The following FRMPD2 variants were observed in gnomAD, a reference collection of about 807,000 sequenced individuals.
FRMPD2 encodes the protein FERM and PDZ domain-containing protein 2.
A neutral mutation model predicts 140.1 loss-of-function variants in FRMPD2; 96 were observed. The observed-to-expected ratio is 0.69, with a 90% CI of 0.58 to 0.81. The LOEUF (loss-of-function observed/expected upper bound fraction) is 0.81. Ranked by LOEUF, FRMPD2 falls within the 40% of genes least tolerant of loss-of-function variation. The pLI, the probability that FRMPD2 is intolerant of heterozygous loss-of-function variation, is 0.00. For missense variants in FRMPD2, 1,240 were observed against 1,447.4 expected (o/e 0.86, Z 2.32); for synonymous variants, 449 against 547.6 (o/e 0.82, Z 2.52).
At chr10:48,224,726 G>T (rs547986657) in intron 10 of FRMPD2, among the ~76,000 whole-genome samples, 2 of 152,194 alleles carry the variant, frequency 1.3e-5, no homozygotes, top group African/African-American at 4.8e-5. Flanking sequence ...GTGTAAAATT[G>T]TCCATGTGGG....
At chr10:48,164,427 A>G (rs1838041279) in intron 27 of FRMPD2, among the ~76,000 whole-genome samples, 1 of 150,622 alleles carries the variant, frequency 6.6e-6, no homozygotes, top group African/African-American at 2.5e-5. Flanking sequence ...TATCTGTAGG[A>G]ATCATGATTT....
intron 27 of FRMPD2, among the ~76,000 whole-genome samples, chr10:48,164,154 T>A (rs1838030101): frequency 6.6e-6 from 1 of 150,432 alleles, no homozygotes; most frequent in Non-Finnish European, 1.5e-5. Context: ...CCTTTTAGGT[T>A]CTGGTTTTGA....
intron 1 of FRMPD2, among the ~76,000 whole-genome samples, chr10:48,265,734 C>A (rs1193057120): frequency 6.6e-6 from 1 of 151,946 alleles, no homozygotes; most frequent in Non-Finnish European, 1.5e-5. Context: ...GGTGAGGTTG[C>A]AGAGAAAAGG....
chr10:48,182,977 T>C (rs1202855685), intron 20 of FRMPD2, among the ~76,000 whole-genome samples: 3 of 152,170 alleles, frequency 2.0e-5, no homozygotes, highest in African/African-American at 4.8e-5. Context: ...ATTGGAGATG[T>C]ACTGAGGCCA....
intron 16 of FRMPD2, among the ~76,000 whole-genome samples, chr10:48,188,726 G>A (rs1838755086): frequency 6.6e-6 from 1 of 152,208 alleles, no homozygotes; most frequent in Admixed American, 6.5e-5. Context: ...TGGCCTTCAG[G>A]TGGCCTTTAC....
intron 14 of FRMPD2, among the ~76,000 whole-genome samples, chr10:48,204,467 T>A (rs992478105): frequency 1.6e-4 from 25 of 152,198 alleles, no homozygotes; most frequent in Non-Finnish European, 2.9e-5. Context: ...TCCACCATGC[T>A]AGAAGAAAAA....
intron 5 of FRMPD2, 78 bp downstream of exon 5, chr10:48,242,083 G>T: frequency 1.0e-6 from 1 of 1,001,904 alleles, no homozygotes; most frequent in Non-Finnish European, 1.5e-6. Context: ...TTTAGTTAAT[G>T]ATAATATAAC....
intron 1 of FRMPD2, among the ~76,000 whole-genome samples, chr10:48,253,757 G>A (rs1381061498): frequency 6.6e-6 from 1 of 151,990 alleles, no homozygotes; most frequent in Non-Finnish European, 1.5e-5. Context: ...AAATCCACAT[G>A]AAGAAATGGG....
intron 11 of FRMPD2, 139 bp from the exon 12 acceptor site, chr10:48,222,590 C>T (rs1046404958): frequency 2.3e-6 from 2 of 880,564 alleles, no homozygotes; most frequent in South Asian, 3.4e-5. Flanking sequence ...GAGGCAATGC[C>T]AGCAAGACAA....
chr10:48,253,266 T>G (rs1170846230), intron 1 of FRMPD2, among the ~76,000 whole-genome samples: 2 of 152,248 alleles, frequency 1.3e-5, no homozygotes, highest in Non-Finnish European at 2.9e-5. Context: ...AAGCTGAACA[T>G]GGTCCTAAAC....
At chr10:48,182,142 A>T (rs1838567872) in intron 20 of FRMPD2, among the ~76,000 whole-genome samples, 2 of 152,128 alleles carry the variant, frequency 1.3e-5, no homozygotes. Flanking sequence ...GATTTAATGA[A>T]TTTGATTTGA....
chr10:48,183,094 G>A lies in FRMPD2; in HGVS notation c.2584+1472C>T, dbSNP rs147924081. Reference sequence around the variant, plus strand: ...CTGGACAGGGGAGCTGCATGGCACTGTGTACAGGTACAAGAGTGAGAGAGC... The same window carrying A: ...CTGGACAGGGGAGCTGCATGGCACTATGTACAGGTACAAGAGTGAGAGAGC... On this transcript the variant is annotated intron_variant, in intron 20 of 28. Transcript: ENST00000374201. Among the ~76,000 whole-genome samples the A allele has an allele frequency of 2.6e-5, 4 of 152,346 alleles. No homozygotes were observed. The East Asian group carries it at 7.7e-4, about 29-fold the overall frequency.
chr10:48,208,379 C>T lies in FRMPD2; in HGVS notation c.1612-1446G>A, dbSNP rs114402129. The stretch of plus-strand genomic sequence containing the variant: ...GAGAGATACGATGCTTTTCAGTTCT[C>T]TGGGCCTCAAGATTCCTACTAGTAA... On this transcript the variant is annotated intron_variant, in intron 13 of 28. Transcript: ENST00000374201. 5.7e-3 allele frequency among the ~76,000 whole-genome samples: 871 copies of T among 152,306 alleles called. 8 individuals carry two copies. The highest frequency in any genetic ancestry group is 0.02 in the African/African-American group (825 of 41,564).
chr10:48,242,224 G>T lies in FRMPD2; in HGVS notation c.504C>A (p.Tyr168Ter). Residue 168 changes from tyrosine to a stop codon, truncating the protein, a stop_gained, in exon 5 of 29, where the codon TAC (tyrosine) becomes TAA (stop). Transcript: ENST00000374201. LOFTEE classifies it high-confidence loss of function. ...CRVHEKEVSV[Y>*]PAPAGLHIRR... is the part of the protein sequence containing the mutation. ...TGATGTGGAGACCAGCAGGGGCTGG[G>T]TAGACAGACACTTCTTTCTCATGAA... 6.2e-7 allele frequency: 1 copy of T among 1,614,164 alleles called. No individual in the cohort carries two copies. The highest frequency in any genetic ancestry group is 1.6e-4 in the Middle Eastern group (1 of 6,062).
At chr10:48,162,144 C>T in intron 28 of FRMPD2, among the ~76,000 whole-genome samples, 1 of 148,340 alleles carries the variant, frequency 6.7e-6, no homozygotes. Context: ...ATGTCAATTA[C>T]TGCCTAGACT....
rs74133708 is a variant in FRMPD2 at position 48,206,910 on chromosome 10, G to A, written c.1635C>T (p.Tyr545=). ...AGAATACTTGGTGAACCAGCACACC[G>A]TATTCTGGGAGCTGCTGAGTGACCT... The part of the protein sequence containing the change: ...FLRVTQQLPE[Y]GVLVHQVFSE... Residue 545 remains tyrosine (Y), a synonymous_variant, in exon 14 of 29, where the codon TAC becomes TAT. Coordinates refer to ENST00000374201, the MANE Select transcript of FRMPD2 (RefSeq NM_001018071.4). 19,356 of 1,613,718 alleles carry A rather than the reference G, an allele frequency of 0.012. 1,159 individuals carry two copies. The African/African-American group carries it at 0.17, about 14-fold the overall frequency.
intron 12 of FRMPD2, among the ~76,000 whole-genome samples, chr10:48,220,003 T>C (rs545010802): frequency 6.6e-6 from 1 of 152,360 alleles, no homozygotes; most frequent in African/African-American, 2.4e-5. Context: ...ATATCAACTC[T>C]ATGATATTAT....
intron 1 of FRMPD2, among the ~76,000 whole-genome samples, chr10:48,261,281 T>G (rs1840584740): frequency 6.6e-6 from 1 of 151,388 alleles, no homozygotes; most frequent in East Asian, 1.9e-4. Flanking sequence ...AAACCACAGA[T>G]CTAGGAAGCT....
rs780553827 is a variant in FRMPD2 at position 48,201,303 on chromosome 10, A to G, written c.1879T>C (p.Leu627=). ...VTDSAKTSKY[L]LDLCSAQHGF... is the part of the protein sequence containing the mutation. ...TGCTGGGCTGAGCAGAGGTCCAGTA[A>G]GTATTTACTGGTCTTGGCTGAATCT... Residue 627 remains leucine, a synonymous_variant, in exon 15 of 29, where the codon TTA becomes CTA. Transcript: ENST00000374201. 1.2e-6 allele frequency: 2 copies of G among 1,613,954 alleles called. No homozygotes were observed. Among genetic ancestry groups the G allele is most frequent in the Admixed American group, 3.3e-5 (2 of 60,004 alleles).
Sources: allele counts gnomAD v4.1 joint callset (sites outside exome capture counted in the v4.1 genomes callset), GRCh38; gene constraint gnomAD v4.1.1; transcripts MANE v1.5; gene names NCBI Gene and HGNC (gene_info 2026-07-23, HGNC 2026-07-21).